Variants in LDHD observed in about 807,000 individuals in gnomAD.
LDHD encodes the protein D-lactate dehydrogenase, mitochondrial.
A neutral mutation model predicts 52.9 loss-of-function variants in LDHD; 58 were observed. The ratio of observed to expected loss-of-function variants is 1.10; its 90% CI spans 0.89 to 1.36. The LOEUF (loss-of-function observed/expected upper bound fraction) is 1.36, where lower values mean the gene tolerates loss of function less well. LDHD is among the 40% of genes most tolerant of loss of function. The probability of loss-of-function intolerance (pLI) is 0.00; values close to 1 mark genes in which losing one functional copy is unlikely to be tolerated. For missense variants in LDHD, 747 were observed against 668.0 expected (o/e 1.12, Z -1.30); for synonymous variants, 350 against 288.6 (o/e 1.21, Z -2.16).
chr16:75,114,486 C>T, intron 5 of LDHD, 40 bp downstream of exon 5: 1 of 1,467,010 alleles, frequency 6.8e-7, no homozygotes. Context: ...GCCAGCAGTG[C>T]CCAGGGCCAG....
chr16:75,115,703 A>C, intron 1 of LDHD, 43 bp from the exon 2 acceptor site: 21 of 1,237,184 alleles, frequency 1.7e-5, no homozygotes, highest in Non-Finnish European at 2.4e-5. Flanking sequence ...CGAAAGACAC[A>C]TGGGGCCACA....
chr16:75,114,950 G>A lies in LDHD; in HGVS notation c.346C>T (p.Leu116=). The part of the protein sequence containing the change: ...CAVQGGVCVN[L]THMDRILELN... ...TCCAGGATTCGGTCCATATGCGTCAGGTTAACGCAGACGCCGCCCTGGTTG... is the reference window on the plus strand; with the variant it reads ...TCCAGGATTCGGTCCATATGCGTCAAGTTAACGCAGACGCCGCCCTGGTTG... Residue 116 remains leucine, a synonymous_variant, in exon 4 of 11, where the codon CTG becomes TTG. Coordinates refer to ENST00000450168, the MANE Select transcript of LDHD (RefSeq NM_194436.3). The A allele has an allele frequency of 1.9e-6, 3 of 1,612,704 alleles. No individual in the cohort carries two copies. The highest frequency in any genetic ancestry group is 2.5e-6 in the Non-Finnish European group (3 of 1,179,498).
At chr16:75,115,069 AC>A in intron 3 of LDHD, 101 bp from the exon 4 acceptor site, 1 of 1,539,952 alleles carries the variant, frequency 6.5e-7, no homozygotes, top group Non-Finnish European at 8.8e-7. Flanking sequence ...GCCAGACCAG[AC>A]CCCCAGAGGC....
At position 75,112,065 on chromosome 16, in the gene LDHD, C is replaced by G. The variant is rs918680311; in HGVS notation, c.*291G>C. ...AGAGTCTTGAATGGACCCAGACGCT[C>G]TCTTCCCGCCAGGACAGGATGCGTA... On this transcript the variant is annotated 3_prime_UTR_variant, in exon 11 of 11. Transcript: ENST00000450168. The G allele has an allele frequency of 1.6e-5, 6 of 383,410 alleles. No homozygotes were observed. Among genetic ancestry groups the G allele is most frequent in the Non-Finnish European group, 2.3e-5 (5 of 213,198 alleles). 23.8% of individuals were successfully genotyped at this position (383,410 alleles called of 1,614,324 possible).
intron 8 of LDHD, 25 bp from the exon 9 acceptor site, chr16:75,112,949 T>TA: frequency 6.4e-7 from 1 of 1,572,380 alleles, no homozygotes; most frequent in Non-Finnish European, 8.7e-7. Flanking sequence ...GCCTATGAGT[T>TA]ACCCCTGCCT....
In LDHD at chr16:75,112,380, G is replaced by A; in HGVS notation, c.1431C>T (p.Leu477=). The change falls in exon 11 of 11, where the codon CTC becomes CTT. Residue 477 remains leucine (L), a synonymous_variant. Coordinates refer to ENST00000450168, the MANE Select transcript of LDHD (RefSeq NM_194436.3). ...TTCACAGCACTTTGCCTGGATTCATGAGGCCTTGGGGGTCTAGCACGGCCT... is the reference window on the plus strand; with the variant it reads ...TTCACAGCACTTTGCCTGGATTCATAAGGCCTTGGGGGTCTAGCACGGCCT... The part of the protein sequence containing the change: ...QLKAVLDPQG[L]MNPGKVL 1.2e-6 allele frequency: 2 copies of A among 1,612,412 alleles called. No homozygotes were observed. The highest frequency in any genetic ancestry group is 8.5e-7 in the Non-Finnish European group (1 of 1,179,244).
At chr16:75,112,973 G>T (rs1276696543) in intron 8 of LDHD, 49 bp from the exon 9 acceptor site, 6 of 1,402,102 alleles carry the variant, frequency 4.3e-6, no homozygotes, top group Middle Eastern at 1.8e-4. Flanking sequence ...TGGGTGTACG[G>T]GGTCACCGTG....
intron 5 of LDHD, 113 bp downstream of exon 5, chr16:75,114,413 G>A (rs989875465): frequency 2.9e-6 from 4 of 1,361,066 alleles, no homozygotes; most frequent in Non-Finnish European, 1.9e-6. Context: ...AGGAAGCCTA[G>A]CCTGCCAAAC....
At chr16:75,114,400 C>T in intron 5 of LDHD, 126 bp downstream of exon 5, 1 of 1,352,660 alleles carries the variant, frequency 7.4e-7, no homozygotes, top group Non-Finnish European at 9.8e-7. Context: ...GCTTCAGAGC[C>T]TGAGGAAGCC....
rs1255529198 is a variant in LDHD, at chr16:75,114,381, G to A, written c.629+145C>T. On this transcript the variant is annotated intron_variant, in intron 5 of 10. Transcript: ENST00000450168. The stretch of plus-strand genomic sequence containing the variant: ...CCCTGGTCCCATCCACTTTGGCCCA[G>A]CTGACAGGGCTTCAGAGCCTGAGGA... 2.3e-5 allele frequency: 32 copies of A among 1,368,002 alleles called. No individual in the cohort carries two copies. In the South Asian group the frequency reaches 4.1e-4, roughly 18 times the overall value. 84.7% of individuals were successfully genotyped at this position (1,368,002 alleles called of 1,614,324 possible). A position where few individuals can be genotyped will look rare whatever the true frequency, so the allele number is the denominator to read the frequency against.
intron 10 of LDHD, 29 bp from the exon 11 acceptor site, chr16:75,112,550 G>A: frequency 6.2e-7 from 1 of 1,613,258 alleles, no homozygotes. Flanking sequence ...CATCCTCAGG[G>A]GGCTCCCTTT....
intron 2 of LDHD, 50 bp from the exon 3 acceptor site, chr16:75,115,389 C>T (rs1469537524): frequency 1.9e-6 from 3 of 1,608,764 alleles, no homozygotes. Context: ...CCTCTGGTCC[C>T]GAGGTGTTGC....
intron 1 of LDHD, among the ~76,000 whole-genome samples, chr16:75,116,089 C>T (rs978151714): frequency 2.0e-5 from 3 of 152,188 alleles, no homozygotes; most frequent in Admixed American, 2.0e-4. Flanking sequence ...AGGCTATCAG[C>T]AGGGTTCCTT....
chr16:75,115,924 T>A (rs1030882552), intron 1 of LDHD, among the ~76,000 whole-genome samples: 2 of 94,314 alleles, frequency 2.1e-5, no homozygotes, highest in Non-Finnish European at 5.1e-5. Context: ...TTTTCTTTTT[T>A]AATAAAAACA....
chr16:75,112,346 C>G lies in LDHD; in HGVS notation c.*10G>C, dbSNP rs774225901. ...TCAGGGAACTTGTGGGCTAAGTGCT[C>G]AGACCCCCTTCACAGCACTTTGCCT... On this transcript the variant is annotated 3_prime_UTR_variant, in exon 11 of 11. Coordinates refer to ENST00000450168, the MANE Select transcript of LDHD (RefSeq NM_194436.3). 30 of 1,600,762 alleles carry G rather than the reference C, an allele frequency of 1.9e-5. No individual in the cohort carries two copies. The highest frequency in any genetic ancestry group is 2.5e-5 in the Non-Finnish European group (29 of 1,170,634).
At chr16:75,114,783 C>A (rs1160481408) in intron 4 of LDHD, 44 bp downstream of exon 4, 1 of 1,596,562 alleles carries the variant, frequency 6.3e-7, no homozygotes, top group Admixed American at 1.7e-5. Context: ...CAGCCCTGCT[C>A]CCACGGTGCC....
intron 1 of LDHD, 114 bp downstream of exon 1, chr16:75,116,535 G>A (rs1015074288): frequency 1.2e-5 from 10 of 863,204 alleles, no homozygotes; most frequent in African/African-American, 3.5e-5. Flanking sequence ...TTTTGCCCAA[G>A]GTCAGGTCAC....
In LDHD at chr16:75,112,525, G is replaced by C. The variant is rs1187293453; in HGVS notation, c.1290-4C>G. 6.2e-7 allele frequency: 1 copy of C among 1,613,004 alleles called. No individual in the cohort carries two copies. Among genetic ancestry groups the C allele is most frequent in the Non-Finnish European group, 8.5e-7 (1 of 1,179,594 alleles). On this transcript the variant is annotated splice_region_variant and splice_polypyrimidine_tract_variant and intron_variant, in intron 10 of 10. Coordinates refer to ENST00000450168, the MANE Select transcript of LDHD (RefSeq NM_194436.3). The stretch of plus-strand genomic sequence containing the variant: ...TCCGTGGAGAGCCAGTGCCCGCCTG[G>C]GGGCAGGAAGGAGACATCCTCAGGG...
chr16:75,114,158 C>T lies in LDHD; in HGVS notation c.637G>A (p.Ala213Thr), dbSNP rs772346034. The change falls in exon 6 of 11, where the codon GCA (alanine) becomes ACA (threonine). Residue 213 changes from alanine to threonine, a missense_variant. Coordinates refer to ENST00000450168, the MANE Select transcript of LDHD (RefSeq NM_194436.3). ...AGRGRHFRKS[A>T]AGYNLTGLFV... ...AGCCCCGTGAGGTTGTAGCCGGCTG[C>T]ACTCTTCCTACGTCCCAGGGACACA... is the stretch of plus-strand genomic sequence containing the variant. The T allele has an allele frequency of 3.7e-6, 6 of 1,612,438 alleles. No individual in the cohort carries two copies. The highest frequency in any genetic ancestry group is 3.3e-5 in the Admixed American group (2 of 60,000).
Sources: gnomAD v4.1 joint callset for allele counts (sites outside exome capture counted in the v4.1 genomes callset) on GRCh38, gnomAD v4.1.1 for gene constraint, MANE v1.5 for transcripts, NCBI Gene and HGNC (gene_info 2026-07-23, HGNC 2026-07-21) for gene names.